RAB3GAP2: variants seen among roughly 807,000 people sequenced by gnomAD.
RAB3GAP2 encodes the protein RAB3 GTPase activating non-catalytic protein subunit 2.
In RAB3GAP2, 87 loss-of-function variants were observed where a neutral mutation model predicts 185.3. That is an observed-to-expected ratio of 0.47 (90% CI 0.39 to 0.56). RAB3GAP2 has a LOEUF of 0.56. Ranked by LOEUF, RAB3GAP2 falls within the 20% of genes least tolerant of loss-of-function variation. The pLI is 0.00. For missense variants in RAB3GAP2, 1,492 were observed against 1,638.2 expected, an observed-to-expected ratio of 0.91 and a Z score of 1.54; for synonymous variants, 554 against 576.1, an observed-to-expected ratio of 0.96 and a Z score of 0.55.
At chr1:220,200,738 T>C in intron 9 of RAB3GAP2, 2 of 466,474 alleles carry the variant, frequency 4.3e-6, no homozygotes, top group Non-Finnish European at 8.9e-6. Context: ...CAATAGGTTT[T>C]TATTACAGAG....
intron 1 of RAB3GAP2, chr1:220,253,457 T>C: frequency 1.2e-5 from 17 of 1,476,878 alleles, no homozygotes; most frequent in African/African-American, 1.5e-5. Flanking sequence ...GAACCCAGGA[T>C]GTAGAGCTGG....
Position 220,272,247 on chromosome 1 carries a change from T to C in RAB3GAP2, c.91A>G (p.Ser31Gly), listed in dbSNP as rs200563931. ...LFPHLREEIL[S>G]GALRRDPSKS... ...CTGGGGTCCCTCCGCAAGGCGCCGC[T>C]GAGGATCTCCTCCCGCAGGTGAGGA... The change falls in exon 1 of 35, where the codon AGC (serine) becomes GGC (glycine). Residue 31 changes from serine to glycine, a missense_variant. By Grantham distance (56) the Ser-to-Gly change is moderately conservative. Coordinates refer to ENST00000358951, the MANE Select transcript of RAB3GAP2 (RefSeq NM_012414.4). The C allele has an allele frequency of 3.1e-6, 5 of 1,609,574 alleles. No homozygotes were observed. Among genetic ancestry groups the C allele is most frequent in the Non-Finnish European group, 4.2e-6 (5 of 1,178,804 alleles).
rs1657901491 is a variant in RAB3GAP2, at chr1:220,158,543, C to T, written c.3262-667G>A. On this transcript the variant is annotated intron_variant, in intron 29 of 34. Transcript: ENST00000358951. The surrounding 1 kb of genome is among the most constrained non-coding windows in gnomAD (Gnocchi z 4.3). The stretch of plus-strand genomic sequence containing the variant: ...GCAACCTCCACCTCCCAGGTTCAAG[C>T]GATTATCCTGCCTCAGCCTCCTGAG... 1.3e-5 allele frequency among the ~76,000 whole-genome samples: 2 copies of T among 151,970 alleles called. No homozygotes were observed. Among genetic ancestry groups the T allele is most frequent in the South Asian group, 2.1e-4 (1 of 4,814 alleles).
intron 3 of RAB3GAP2, among the ~76,000 whole-genome samples, chr1:220,213,185 C>A (rs967722712): frequency 2.0e-5 from 3 of 152,064 alleles, no homozygotes; most frequent in African/African-American, 7.2e-5. Context: ...CTCCTTCCCC[C>A]AATTCAACCT....
intron 7 of RAB3GAP2, among the ~76,000 whole-genome samples, chr1:220,209,668 C>T (rs1456399028): frequency 6.6e-6 from 1 of 152,022 alleles, no homozygotes; most frequent in Non-Finnish European, 1.5e-5. Context: ...CAGTCCATCT[C>T]CCATGCAAAT....
At position 220,171,996 on chromosome 1, in the gene RAB3GAP2, T is replaced by C; in HGVS notation, c.2470A>G (p.Met824Val). ...TCAGACTGAATACAGGCTGTGCGCA[T>C]CTGCTGCCACCATGGGGACACAGAC... is the stretch of plus-strand genomic sequence containing the variant. ...SQSVSPWWQQ[M>V]RTACIQSENN... Residue 824 changes from methionine (M) to valine (V), a missense_variant, in exon 23 of 35, where the codon ATG becomes GTG. Physicochemically the swap from Met to Val is conservative, Grantham distance 21. Around this residue, in one of 5 missense-constraint regions of RAB3GAP2, gnomAD observed 681 missense variants for 689.1 expected, o/e 0.99. Coordinates refer to ENST00000358951, the MANE Select transcript of RAB3GAP2 (RefSeq NM_012414.4). 6.2e-7 allele frequency: 1 copy of C among 1,614,192 alleles called. No homozygotes were observed. The highest frequency in any genetic ancestry group is 1.3e-5 in the African/African-American group (1 of 75,060).
At chr1:220,252,012 C>A (rs760854520) in intron 1 of RAB3GAP2, among the ~76,000 whole-genome samples, 8 of 151,858 alleles carry the variant, frequency 5.3e-5, no homozygotes, top group Non-Finnish European at 8.8e-5. Flanking sequence ...AGTAGCTGGA[C>A]ATGGTGGCAC....
rs1234973897 is a variant in RAB3GAP2, at chr1:220,191,310, T to G, written c.1271-26A>C. ...CTTAGAGACAGAGGTAAAGGGAAGT[T>G]AATTACTTAATCTAGGTTCCATAGT... is the stretch of plus-strand genomic sequence containing the variant. On this transcript the variant is annotated intron_variant, in intron 13 of 34. Coordinates refer to ENST00000358951, the MANE Select transcript of RAB3GAP2 (RefSeq NM_012414.4). The G allele has an allele frequency of 3.8e-6, 5 of 1,317,438 alleles. No individual in the cohort carries two copies. In the East Asian group the frequency reaches 1.7e-4, roughly 45 times the overall value. 81.6% of individuals were successfully genotyped at this position (1,317,438 alleles called of 1,614,324 possible).
Position 220,153,963 on chromosome 1 carries a change from T to G in RAB3GAP2, c.3645+5A>C. ...CAAAAACAAAATCCAATAGCTATAA[T>G]TTACCTGTTGTCGTACAGAAATAAA... On this transcript the variant is annotated splice_donor_5th_base_variant and intron_variant, in intron 32 of 34. Transcript: ENST00000358951. The G allele has an allele frequency of 6.2e-7, 1 of 1,613,232 alleles. No individual in the cohort carries two copies. Among genetic ancestry groups the G allele is most frequent in the Non-Finnish European group, 8.5e-7 (1 of 1,179,628 alleles).
rs1571941447 is a variant in RAB3GAP2 at position 220,272,443 on chromosome 1, G to A, written c.-106C>T. On this transcript the variant is annotated 5_prime_UTR_variant, in exon 1 of 35. Coordinates refer to ENST00000358951, the MANE Select transcript of RAB3GAP2 (RefSeq NM_012414.4). ...CCCCAATAGCTCTAGCCAAGCAGAA[G>A]GCGGAGAAACCAAACCGGAAGCTGT... 3 of 764,436 alleles carry A rather than the reference G, an allele frequency of 3.9e-6. No homozygotes were observed. The highest frequency in any genetic ancestry group is 1.5e-5 in the South Asian group (1 of 67,772). 47.4% of individuals were successfully genotyped at this position (764,436 alleles called of 1,614,324 possible).
chr1:220,268,765 G>T (rs1660279271), intron 1 of RAB3GAP2, among the ~76,000 whole-genome samples: 1 of 152,108 alleles, frequency 6.6e-6, no homozygotes, highest in Non-Finnish European at 1.5e-5. Flanking sequence ...TAAATCTATA[G>T]GTATAGTGCA....
intron 12 of RAB3GAP2, among the ~76,000 whole-genome samples, chr1:220,194,309 AC>A (rs1488683518): frequency 2.6e-5 from 4 of 152,030 alleles, no homozygotes; most frequent in African/African-American, 9.7e-5. Context: ...ATATACTAAC[AC>A]ATTCTAAAGC....
chr1:220,229,977 A>G (rs566474822), intron 2 of RAB3GAP2, among the ~76,000 whole-genome samples: 42 of 152,300 alleles, frequency 2.8e-4, no homozygotes, highest in African/African-American at 9.1e-4. Flanking sequence ...CATTTACACT[A>G]TCTCTTTCTG....
At chr1:220,241,197 G>A (rs961065884) in intron 1 of RAB3GAP2, among the ~76,000 whole-genome samples, 9 of 151,970 alleles carry the variant, frequency 5.9e-5, no homozygotes, top group Non-Finnish European at 1.0e-4. Flanking sequence ...TGAACAGTCT[G>A]TCCTCATAAA....
chr1:220,223,997 C>T (rs761935896), intron 2 of RAB3GAP2, among the ~76,000 whole-genome samples: 6 of 125,952 alleles, frequency 4.8e-5, no homozygotes, highest in African/African-American at 1.6e-4. Context: ...CAAAGCAAGA[C>T]CCTATCTCAA....
chr1:220,210,760 C>G, intron 6 of RAB3GAP2, 41 bp downstream of exon 6: 1 of 1,553,570 alleles, frequency 6.4e-7, no homozygotes, highest in African/African-American at 1.4e-5. Context: ...CCAGATATTG[C>G]AGTCAACTAG....
intron 6 of RAB3GAP2, 24 bp from the exon 7 acceptor site, chr1:220,210,513 C>T (rs903637124): frequency 1.9e-6 from 3 of 1,565,990 alleles, no homozygotes; most frequent in East Asian, 2.2e-5. Flanking sequence ...CAGAGAAGGG[C>T]CCTGCTTGTT....
intron 2 of RAB3GAP2, among the ~76,000 whole-genome samples, chr1:220,218,778 G>A (rs571124867): frequency 6.6e-6 from 1 of 151,840 alleles, no homozygotes; most frequent in East Asian, 1.9e-4. Flanking sequence ...GTCACAAAAT[G>A]CAATGGTGTT....
chr1:220,193,982 C>A (rs1658673796), intron 12 of RAB3GAP2, among the ~76,000 whole-genome samples: 1 of 151,930 alleles, frequency 6.6e-6, no homozygotes, highest in African/African-American at 2.4e-5. Flanking sequence ...ATTAGAGACG[C>A]ACAGGGCCAT....
Sources: gnomAD v4.1 joint callset for allele counts (sites outside exome capture counted in the v4.1 genomes callset) on GRCh38, gnomAD v4.1.1 for gene constraint, gnomAD v4.1.1 regional missense constraint, Gnocchi (gnomAD v3.1) non-coding constraint, MANE v1.5 for transcripts, NCBI Gene and HGNC (gene_info 2026-07-23, HGNC 2026-07-21) for gene names.